SLIT3: variants seen among roughly 807,000 people sequenced by gnomAD.
The protein encoded by SLIT3 is slit guidance ligand 3.
SLIT3 carries 68 observed loss-of-function variants against 184.0 expected under a neutral mutation model. The observed-to-expected ratio is 0.37, with a 90% CI of 0.30 to 0.45. The LOEUF is 0.45. Ranked by LOEUF, SLIT3 falls within the 20% of genes least tolerant of loss-of-function variation. SLIT3 has a pLI of 1.00. For missense variants in SLIT3, 1,707 were observed against 2,026.0 expected (o/e 0.84, Z 3.02); for synonymous variants, 831 against 828.6 (o/e 1.00, Z -0.05).
At chr5:168,757,985 C>G (rs1431063582) in intron 16 of SLIT3, among the ~76,000 whole-genome samples, 1 of 152,214 alleles carries the variant, frequency 6.6e-6, no homozygotes, top group African/African-American at 2.4e-5. Context: ...GAGCTGAACT[C>G]AGAACTCACA....
intron 4 of SLIT3, among the ~76,000 whole-genome samples, chr5:168,884,549 G>GATAGATATAT (rs1554153412): frequency 2.4e-5 from 1 of 41,150 alleles, no homozygotes; most frequent in South Asian, 1.4e-3. Context: ...CCAATTACGA[G>GATAGATATAT]ATATATATAT....
intron 11 of SLIT3, among the ~76,000 whole-genome samples, 175 bp from the exon 12 acceptor site, chr5:168,786,153 G>A (rs1561932130): frequency 6.6e-6 from 1 of 152,176 alleles, no homozygotes; most frequent in Non-Finnish European, 1.5e-5. Context: ...GAGCAGCCAG[G>A]GGCTGGAAGG....
At chr5:168,977,211 C>G (rs62377256) in intron 4 of SLIT3, among the ~76,000 whole-genome samples, 9,633 of 152,152 alleles carry the variant, frequency 0.063, 356 homozygotes, top group African/African-American at 0.095. Context: ...GGAGTGGTAA[C>G]GACAGTGGCA....
At chr5:168,935,554 G>A (rs1284526553) in intron 4 of SLIT3, among the ~76,000 whole-genome samples, 1 of 152,242 alleles carries the variant, frequency 6.6e-6, no homozygotes, top group East Asian at 1.9e-4. Flanking sequence ...AAGTATTAAT[G>A]GATTGACCAT....
chr5:169,216,662 T>TG (rs1405125833), intron 3 of SLIT3, among the ~76,000 whole-genome samples: 1 of 152,210 alleles, frequency 6.6e-6, no homozygotes, highest in Non-Finnish European at 1.5e-5. Context: ...TGATTTCATC[T>TG]GTAATTCCTC....
intron 19 of SLIT3, 57 bp downstream of exon 19, chr5:168,749,415 C>G: frequency 2.5e-6 from 4 of 1,597,444 alleles, no homozygotes; most frequent in Non-Finnish European, 3.4e-6. Context: ...GCATCTTCGC[C>G]ATCTTCCTTG....
chr5:169,034,418 A>AT (rs1288448147), intron 4 of SLIT3, among the ~76,000 whole-genome samples: 3 of 152,028 alleles, frequency 2.0e-5, no homozygotes, highest in South Asian at 2.1e-4. Context: ...TTTTGAGTCT[A>AT]TTTTTTGTGA....
intron 8 of SLIT3, among the ~76,000 whole-genome samples, chr5:168,815,859 G>C (rs562717355): frequency 6.6e-6 from 1 of 152,286 alleles, no homozygotes; most frequent in East Asian, 1.9e-4. Context: ...TACTAAAGGT[G>C]GGCACCAGTT....
At chr5:168,791,982 G>C (rs1270167950) in intron 10 of SLIT3, 2 of 152,176 alleles carry the variant, frequency 1.3e-5, no homozygotes, top group East Asian at 3.9e-4. Flanking sequence ...CCATGTATAA[G>C]TGAGAACATT....
At chr5:169,077,472 G>A (rs1758790556) in intron 4 of SLIT3, among the ~76,000 whole-genome samples, 1 of 151,944 alleles carries the variant, frequency 6.6e-6, no homozygotes, top group African/African-American at 2.4e-5. Context: ...TCAGAGGGCG[G>A]AGGTTGCAGT....
intron 3 of SLIT3, among the ~76,000 whole-genome samples, chr5:169,236,461 GAA>G (rs1214923400): frequency 7.0e-6 from 1 of 143,138 alleles, no homozygotes; most frequent in Non-Finnish European, 1.5e-5. Flanking sequence ...GACAGAGCAA[GAA>G]AAGTGTTTTG....
chr5:168,823,704 T>A (rs1238543646), intron 6 of SLIT3, among the ~76,000 whole-genome samples: 1 of 152,186 alleles, frequency 6.6e-6, no homozygotes, highest in South Asian at 2.1e-4. Flanking sequence ...GAAACAGATA[T>A]GCTTAATAAC....
intron 25 of SLIT3, 42 bp from the exon 26 acceptor site, chr5:168,708,142 C>G: frequency 6.2e-7 from 1 of 1,613,802 alleles, no homozygotes; most frequent in Non-Finnish European, 8.5e-7. Flanking sequence ...GTCCTGAGTG[C>G]GCTCACTGCC....
chr5:168,844,250 G>A (rs968477385), intron 6 of SLIT3, among the ~76,000 whole-genome samples: 3 of 152,122 alleles, frequency 2.0e-5, no homozygotes, highest in Non-Finnish European at 2.9e-5. Context: ...GGCAGGCTCT[G>A]GGGGGTTCTG....
intron 4 of SLIT3, among the ~76,000 whole-genome samples, chr5:169,156,639 A>C (rs1380626834): frequency 1.3e-5 from 2 of 152,224 alleles, no homozygotes; most frequent in African/African-American, 4.8e-5. Context: ...AGAGATTGAA[A>C]GGTAATCATA....
chr5:168,771,224 T>G (rs1344825708), intron 14 of SLIT3, among the ~76,000 whole-genome samples: 1 of 152,022 alleles, frequency 6.6e-6, no homozygotes, highest in Non-Finnish European at 1.5e-5. Context: ...GATAGGACGA[T>G]TGTGCTTTGG....
intron 4 of SLIT3, among the ~76,000 whole-genome samples, chr5:169,032,018 A>G (rs1195902676): frequency 6.6e-6 from 1 of 152,136 alleles, no homozygotes; most frequent in African/African-American, 2.4e-5. Context: ...TGTGGTTCCA[A>G]TCCTGCACCT....
intron 4 of SLIT3, among the ~76,000 whole-genome samples, chr5:168,935,843 A>G (rs1018962616): frequency 2.6e-5 from 4 of 152,236 alleles, no homozygotes; most frequent in Admixed American, 6.5e-5. Context: ...GGTTTCTTTG[A>G]GCAACATCCT....
At chr5:168,689,727 T>G (rs550877806) in intron 29 of SLIT3, among the ~76,000 whole-genome samples, 7 of 152,332 alleles carry the variant, frequency 4.6e-5, no homozygotes, top group African/African-American at 1.7e-4. Flanking sequence ...GATAAACATC[T>G]TCACACTTGG....
Sources: allele counts gnomAD v4.1 joint callset (sites outside exome capture counted in the v4.1 genomes callset), GRCh38; gene constraint gnomAD v4.1.1; transcripts MANE v1.5; gene names NCBI Gene and HGNC (gene_info 2026-07-23, HGNC 2026-07-21).